The following NT5DC1 variants were observed in gnomAD, a reference collection of about 807,000 sequenced individuals.
NT5DC1 encodes the protein 5'-nucleotidase domain containing 1, also known as 5'-nucleotidase domain-containing protein 1.
NT5DC1 carries 42 observed loss-of-function variants against 59.4 expected under a neutral mutation model. That is an observed-to-expected ratio of 0.71 (90% CI 0.55 to 0.92). The LOEUF (loss-of-function observed/expected upper bound fraction) is 0.92. Among genes scored for constraint, NT5DC1 ranks in the 40% least tolerant of loss-of-function variants. The pLI is 0.00. For missense variants in NT5DC1, 501 were observed against 537.1 expected, an observed-to-expected ratio of 0.93 and a Z score of 0.66; for synonymous variants, 172 against 188.1, an observed-to-expected ratio of 0.91 and a Z score of 0.70.
chr6:116,131,551 G>A (rs1474797981), intron 6 of NT5DC1, among the ~76,000 whole-genome samples: 1 of 152,138 alleles, frequency 6.6e-6, no homozygotes, highest in Non-Finnish European at 1.5e-5. Context: ...ATTGTGTAAA[G>A]ATGGTCTGCA....
chr6:116,217,879 GA>G (rs1045159815), intron 6 of NT5DC1, among the ~76,000 whole-genome samples: 1 of 152,026 alleles, frequency 6.6e-6, no homozygotes, highest in Non-Finnish European at 1.5e-5. Context: ...TTAATACCTT[GA>G]CTTATTTCAA....
chr6:116,135,988 A>G (rs748237957), intron 6 of NT5DC1, among the ~76,000 whole-genome samples: 32 of 151,784 alleles, frequency 2.1e-4, no homozygotes, highest in Non-Finnish European at 3.8e-4. Flanking sequence ...AGTATATGAT[A>G]CAGTATCTCG....
At chr6:116,158,340 A>G (rs1483259171) in intron 6 of NT5DC1, among the ~76,000 whole-genome samples, 1 of 151,902 alleles carries the variant, frequency 6.6e-6, no homozygotes, top group African/African-American at 2.4e-5. Context: ...TTCTGTTTAA[A>G]TCTCCTACTC....
Position 116,101,718 on chromosome 6 carries a change from G to A in NT5DC1, c.93+695G>A, listed in dbSNP as rs11967463. On this transcript the variant is annotated intron_variant, in intron 1 of 11. Transcript: ENST00000319550. ...GTCCTCACTGTGCCCTGAGGGAGGG[G>A]GACATGGAGTATGCATGCTTCCAGA... Among the ~76,000 whole-genome samples the A allele has an allele frequency of 4.6e-3, 706 of 152,278 alleles. 7 individuals carry two copies. The highest frequency in any genetic ancestry group is 0.016 in the African/African-American group (679 of 41,542).
Position 116,245,720 on chromosome 6 carries a change from T to C in NT5DC1, c.*1696T>C, listed in dbSNP as rs1022239031. ...TGTTTACTCTGTAAATGGCAAATAA[T>C]ACATCTTTAAATGCTTATGAACTAC... is the stretch of plus-strand genomic sequence containing the variant. On this transcript the variant is annotated 3_prime_UTR_variant, in exon 12 of 12. Transcript: ENST00000319550. 19 of 152,156 alleles carry C rather than the reference T, an allele frequency of 1.2e-4. No individual in the cohort carries two copies. Among genetic ancestry groups the C allele is most frequent in the African/African-American group, 3.4e-4 (14 of 41,438 alleles). 9.4% of individuals were successfully genotyped at this position (152,156 alleles called of 1,614,324 possible). A position where few individuals can be genotyped will look rare whatever the true frequency, so the allele number is the denominator to read the frequency against.
chr6:116,197,181 G>A (rs1781251074), intron 6 of NT5DC1, among the ~76,000 whole-genome samples: 1 of 151,864 alleles, frequency 6.6e-6, no homozygotes, highest in African/African-American at 2.4e-5. Flanking sequence ...CCTAGGGTCT[G>A]AAGAGGCATG....
At chr6:116,151,058 C>A (rs1562140053) in intron 6 of NT5DC1, among the ~76,000 whole-genome samples, 2 of 152,144 alleles carry the variant, frequency 1.3e-5, no homozygotes, top group Non-Finnish European at 2.9e-5. Flanking sequence ...ATCTTGACAT[C>A]TCTGAGTTTT....
At chr6:116,155,087 T>G (rs1359334642) in intron 6 of NT5DC1, among the ~76,000 whole-genome samples, 2 of 152,162 alleles carry the variant, frequency 1.3e-5, no homozygotes, top group Non-Finnish European at 2.9e-5. Context: ...GGTGCAAAAG[T>G]AATTGCGGTT....
At chr6:116,139,077 A>G (rs1455873708) in intron 6 of NT5DC1, among the ~76,000 whole-genome samples, 5 of 152,164 alleles carry the variant, frequency 3.3e-5, no homozygotes, top group African/African-American at 4.8e-5. Context: ...ACAAAAAAAG[A>G]TGTATTCTTA....
chr6:116,123,262 A>T (rs1389494411), intron 6 of NT5DC1, among the ~76,000 whole-genome samples: 1 of 152,156 alleles, frequency 6.6e-6, no homozygotes, highest in African/African-American at 2.4e-5. Flanking sequence ...AACTCCAGTG[A>T]CAGGGCGAAC....
chr6:116,225,197 C>T (rs1372999077), intron 8 of NT5DC1, among the ~76,000 whole-genome samples: 1 of 152,022 alleles, frequency 6.6e-6, no homozygotes, highest in African/African-American at 2.4e-5. Context: ...ACTCATTTTT[C>T]AACATGTTAA....
chr6:116,102,445 C>G (rs1236729507), intron 1 of NT5DC1, among the ~76,000 whole-genome samples: 1 of 152,170 alleles, frequency 6.6e-6, no homozygotes, highest in Non-Finnish European at 1.5e-5. Flanking sequence ...CACTGCTTCC[C>G]CTAGGTCTTT....
chr6:116,187,623 T>A (rs1781030448), intron 6 of NT5DC1, among the ~76,000 whole-genome samples: 1 of 152,054 alleles, frequency 6.6e-6, no homozygotes, highest in African/African-American at 2.4e-5. Context: ...GGGAAAGGAC[T>A]GTCATAAAGG....
At chr6:116,162,293 G>C (rs1780354393) in intron 6 of NT5DC1, among the ~76,000 whole-genome samples, 1 of 152,084 alleles carries the variant, frequency 6.6e-6, no homozygotes, top group African/African-American at 2.4e-5. Context: ...GATTGCTCTG[G>C]CTAGAACTTC....
At chr6:116,152,050 A>G (rs907955217) in intron 6 of NT5DC1, among the ~76,000 whole-genome samples, 2 of 152,166 alleles carry the variant, frequency 1.3e-5, no homozygotes, top group Non-Finnish European at 2.9e-5. Flanking sequence ...ATTTCACTAC[A>G]TTCTTCCTTA....
chr6:116,236,454 A>G (rs1471301076), intron 8 of NT5DC1, among the ~76,000 whole-genome samples: 3 of 152,192 alleles, frequency 2.0e-5, no homozygotes, highest in African/African-American at 7.2e-5. Context: ...GTGCTTTGGC[A>G]TCAGATAGTC....
chr6:116,202,136 C>T (rs1462449538), intron 6 of NT5DC1, among the ~76,000 whole-genome samples: 1 of 151,988 alleles, frequency 6.6e-6, no homozygotes, highest in Non-Finnish European at 1.5e-5. Flanking sequence ...GAAGTAGCCA[C>T]GTGTGGCCCA....
chr6:116,145,316 G>A (rs926747207), intron 6 of NT5DC1: 5 of 215,838 alleles, frequency 2.3e-5, no homozygotes, highest in African/African-American at 1.1e-4. Context: ...TTTTGTCAGA[G>A]CATAAGATCT....
At chr6:116,133,425 G>A (rs549332) in intron 6 of NT5DC1, among the ~76,000 whole-genome samples, 100,670 of 151,958 alleles carry the variant, frequency 0.66, 35,542 homozygotes, top group African/African-American at 0.92. Context: ...GTTTGCCATC[G>A]TACTTGAGAA....
Sources: gnomAD v4.1 joint callset for allele counts (sites outside exome capture counted in the v4.1 genomes callset) on GRCh38, gnomAD v4.1.1 for gene constraint, MANE v1.5 for transcripts, NCBI Gene and HGNC (gene_info 2026-07-23, HGNC 2026-07-21) for gene names.